SAMD4B: variants seen among roughly 807,000 people sequenced by gnomAD.
SAMD4B encodes protein Smaug homolog 2.
A neutral mutation model predicts 74.5 loss-of-function variants in SAMD4B; 5 were observed. The ratio of observed to expected loss-of-function variants is 0.07; its 90% CI spans 0.04 to 0.14. The LOEUF (loss-of-function observed/expected upper bound fraction) is 0.14, where lower values mean the gene tolerates loss of function less well. Among genes scored for constraint, SAMD4B ranks in the 10% least tolerant of loss-of-function variants. SAMD4B has a pLI of 1.00. For synonymous variants in SAMD4B, 373 were observed against 374.9 expected, an observed-to-expected ratio of 1.00 and a Z score of 0.06; for missense variants, 608 against 921.8, an observed-to-expected ratio of 0.66 and a Z score of 4.41.
At position 39,384,745 on chromosome 19, in the gene SAMD4B, C is replaced by T. The variant is rs1354546045; in HGVS notation, c.*1218C>T. 4 of 152,556 alleles carry T rather than the reference C, an allele frequency of 2.6e-5. No individual in the cohort carries two copies. Among genetic ancestry groups the T allele is most frequent in the African/African-American group, 9.7e-5 (4 of 41,412 alleles). The allele number at this position is 152,556 out of a possible 1,614,324, so 9.5% of individuals were successfully genotyped here. ...TCTCCCTCTTCAACGCCCTCCTCCC[C>T]CTCAACCCACCTTCCCAACTGGGAC... On this transcript the variant is annotated 3_prime_UTR_variant, in exon 14 of 14. Transcript: ENST00000610417.
chr19:39,358,285 A>T (rs535656184), intron 3 of SAMD4B, among the ~76,000 whole-genome samples: 11 of 152,300 alleles, frequency 7.2e-5, no homozygotes, highest in African/African-American at 1.7e-4. Flanking sequence ...CAAACAAACA[A>T]AAAAAGCAGT....
intron 4 of SAMD4B, among the ~76,000 whole-genome samples, chr19:39,372,053 C>A (rs2077339028): frequency 2.0e-5 from 3 of 152,098 alleles, no homozygotes; most frequent in Non-Finnish European, 4.4e-5. Context: ...TGTCTTCATA[C>A]CTTTTGTGCT....
chr19:39,356,001 A>G (rs1308492090), intron 2 of SAMD4B, among the ~76,000 whole-genome samples: 7 of 152,210 alleles, frequency 4.6e-5, no homozygotes, highest in Non-Finnish European at 7.3e-5. Flanking sequence ...TTCCAGAGTC[A>G]GGGAAGCTGG....
chr19:39,354,665 T>C (rs951248928), intron 2 of SAMD4B, among the ~76,000 whole-genome samples: 18 of 152,176 alleles, frequency 1.2e-4, no homozygotes, highest in Admixed American at 3.9e-4. Context: ...TTAATATAAT[T>C]GGAGGAGTAA....
At chr19:39,373,374 G>A (rs766293147) in intron 4 of SAMD4B, among the ~76,000 whole-genome samples, 1 of 152,202 alleles carries the variant, frequency 6.6e-6, no homozygotes, top group Non-Finnish European at 1.5e-5. Context: ...TGTGTGTCAT[G>A]CCCTGTGCCT....
At position 39,361,646 on chromosome 19, in the gene SAMD4B, G is replaced by A. The variant is rs57162859; in HGVS notation, c.196+4557G>A. Among the ~76,000 whole-genome samples the A allele has an allele frequency of 5.9e-3, 875 of 149,468 alleles. 8 individuals carry two copies. Among genetic ancestry groups the A allele is most frequent in the African/African-American group, 0.021 (834 of 40,438 alleles). Reference sequence around the variant, plus strand: ...AAAAGAGTTGCCTGTCTTCCCGGCCGGGCGCGGTGGCTCACGCCTGTAATC... The same window carrying A: ...AAAAGAGTTGCCTGTCTTCCCGGCCAGGCGCGGTGGCTCACGCCTGTAATC... On this transcript the variant is annotated intron_variant, in intron 3 of 13. Transcript: ENST00000610417.
At chr19:39,370,242 C>A in intron 4 of SAMD4B, 117 bp downstream of exon 4, 1 of 967,126 alleles carries the variant, frequency 1.0e-6, no homozygotes, top group Non-Finnish European at 1.6e-6. Context: ...TAGGCCTCAA[C>A]TTTATGAGGC....
intron 8 of SAMD4B, 139 bp downstream of exon 8, chr19:39,377,963 G>A (rs2077705315): frequency 1.2e-6 from 1 of 841,756 alleles, no homozygotes; most frequent in Non-Finnish European, 1.8e-6. Flanking sequence ...ACAGAGAGTA[G>A]CCAAGACAGG....
intron 1 of SAMD4B, among the ~76,000 whole-genome samples, chr19:39,346,868 G>A (rs577852989): frequency 6.6e-6 from 1 of 152,218 alleles, no homozygotes; most frequent in African/African-American, 2.4e-5. Flanking sequence ...CTAAAAATAT[G>A]AAGGAAATAA....
At chr19:39,359,048 T>C (rs992571602) in intron 3 of SAMD4B, among the ~76,000 whole-genome samples, 1 of 152,218 alleles carries the variant, frequency 6.6e-6, no homozygotes, top group Non-Finnish European at 1.5e-5. Flanking sequence ...CAAAGAGCAA[T>C]AAGAACCCAG....
intron 1 of SAMD4B, among the ~76,000 whole-genome samples, chr19:39,342,883 C>T (rs1238187420): frequency 6.6e-6 from 1 of 150,694 alleles, no homozygotes; most frequent in Non-Finnish European, 1.5e-5. Context: ...ACATCCCCCT[C>T]GGAGAGCCCC....
chr19:39,377,694 C>A lies in SAMD4B; in HGVS notation c.1314C>A (p.Ala438=), dbSNP rs764158841. The change falls in exon 8 of 14, where the codon GCC becomes GCA. Residue 438 remains alanine (A), a synonymous_variant. Coordinates refer to ENST00000610417, the MANE Select transcript of SAMD4B (RefSeq NM_001384574.2). ...CCGGCACAGACAAAGGCACCGAGGC[C>A]AAGGACCCTCCAGCTGTGGAGAACT... is the stretch of plus-strand genomic sequence containing the variant. ...AHPGTDKGTE[A]KDPPAVENYP... The A allele has an allele frequency of 1.1e-5, 18 of 1,614,236 alleles. No individual in the cohort carries two copies. Among genetic ancestry groups the A allele is most frequent in the Non-Finnish European group, 1.4e-5 (16 of 1,180,040 alleles).
chr19:39,349,063 G>C (rs185475639), intron 1 of SAMD4B, among the ~76,000 whole-genome samples: 1 of 152,316 alleles, frequency 6.6e-6, no homozygotes, highest in Non-Finnish European at 1.5e-5. Flanking sequence ...TACACAGGTA[G>C]TAAGTGGCAG....
At chr19:39,361,210 T>A in intron 3 of SAMD4B, among the ~76,000 whole-genome samples, 1 of 152,108 alleles carries the variant, frequency 6.6e-6, no homozygotes, top group South Asian at 2.1e-4. Context: ...TTCTTAATAT[T>A]TAGCGGGATG....
chr19:39,366,801 T>A (rs2076987141), intron 3 of SAMD4B, among the ~76,000 whole-genome samples: 1 of 152,132 alleles, frequency 6.6e-6, no homozygotes, highest in South Asian at 2.1e-4. Context: ...CTAGATGTCC[T>A]TGGAATCGTA....
chr19:39,370,264 T>C (rs911579804), intron 4 of SAMD4B, 139 bp downstream of exon 4: 3 of 806,210 alleles, frequency 3.7e-6, no homozygotes, highest in African/African-American at 3.5e-5. Context: ...ATGCAGAGGC[T>C]GTGAACTGGC....
intron 1 of SAMD4B, among the ~76,000 whole-genome samples, chr19:39,348,978 C>T (rs1054326432): frequency 1.3e-5 from 2 of 152,188 alleles, no homozygotes; most frequent in African/African-American, 4.8e-5. Context: ...TCTTCCTTCT[C>T]AGTAGGTACT....
downstream of SAMD4B, chr19:39,389,866 G>A: frequency 6.8e-7 from 1 of 1,474,884 alleles, no homozygotes; most frequent in Non-Finnish European, 9.4e-7. This position sits in a 1 kb window ranked among gnomAD's most constrained non-coding sequence, Gnocchi z 5.3. Flanking sequence ...AGAATGAAGT[G>A]TCCCCCATGG....
At chr19:39,371,755 G>T (rs138282497) in intron 4 of SAMD4B, among the ~76,000 whole-genome samples, 1,840 of 151,858 alleles carry the variant, frequency 0.012, 13 homozygotes, top group Non-Finnish European at 0.019. Context: ...AGGTGGAGGT[G>T]GCAGTGAGCC....
Sources: allele counts gnomAD v4.1 joint callset (sites outside exome capture counted in the v4.1 genomes callset), GRCh38; gene constraint gnomAD v4.1.1; non-coding constraint Gnocchi (gnomAD v3.1); transcripts MANE v1.5; gene names NCBI Gene and HGNC (gene_info 2026-07-23, HGNC 2026-07-21).